DAB1: variants seen among roughly 807,000 people sequenced by gnomAD.
DAB1 encodes DAB adaptor protein 1.
Under a neutral mutation model 64.6 loss-of-function variants are expected in DAB1, and 15 were observed. The observed-to-expected ratio is 0.23, with a 90% CI of 0.16 to 0.36. The LOEUF (loss-of-function observed/expected upper bound fraction) is 0.36. Among genes scored for constraint, DAB1 ranks in the 10% least tolerant of loss-of-function variants. The pLI is 1.00. For synonymous variants in DAB1, 235 were observed against 251.9 expected, an observed-to-expected ratio of 0.93 and a Z score of 0.64; for missense variants, 596 against 706.7, an observed-to-expected ratio of 0.84 and a Z score of 1.78.
chr1:58,228,131 T>C (rs1557704692), intron 4 of DAB1, among the ~76,000 whole-genome samples: 1 of 152,118 alleles, frequency 6.6e-6, no homozygotes, highest in Non-Finnish European at 1.5e-5. Flanking sequence ...GAGTAAGAGA[T>C]GGAGCAGTAG....
chr1:57,823,238 C>T (rs1652200425), downstream of DAB1, among the ~76,000 whole-genome samples: 1 of 152,020 alleles, frequency 6.6e-6, no homozygotes, highest in Non-Finnish European at 1.5e-5. Flanking sequence ...CCACCTCGAA[C>T]TCCCAAAGTG....
rs184248535 is a variant in DAB1, at chr1:57,269,302, T to A, written c.67+21662A>T. Among the ~76,000 whole-genome samples, 912 of 152,166 alleles carry A rather than the reference T, an allele frequency of 6.0e-3. 4 individuals carry two copies. Among genetic ancestry groups the A allele is most frequent in the Non-Finnish European group, 8.5e-3 (581 of 67,994 alleles). ...TGCAGGGATGGAGGGTGAATCTGAG[T>A]GACAAGCACCCCAGACCTGTCTAAC... On this transcript the variant is annotated intron_variant, in intron 2 of 14. Coordinates refer to ENST00000371236, the MANE Select transcript of DAB1 (RefSeq NM_001365792.1).
chr1:57,177,921 A>T lies in DAB1; in HGVS notation c.68-32492T>A, dbSNP rs573698404. ...GGTATTTGATGTCTCTTGACTATTC[A>T]GTTACTGACTTTGTCCCTTTGTCCT... On this transcript the variant is annotated intron_variant, in intron 2 of 14. Transcript: ENST00000371236. Among the ~76,000 whole-genome samples, 7 of 152,284 alleles carry T rather than the reference A, an allele frequency of 4.6e-5. No individual in the cohort carries two copies. The South Asian group carries it at 1.4e-3, about 32-fold the overall frequency.
At chr1:57,752,940 C>T (rs1648622167) in intron 6 of DAB1, among the ~76,000 whole-genome samples, 1 of 152,176 alleles carries the variant, frequency 6.6e-6, no homozygotes, top group South Asian at 2.1e-4. Flanking sequence ...CCAGGAATAG[C>T]CTTGCCCTAG....
chr1:57,958,787 CTA>C (rs998221998), intron 5 of DAB1, among the ~76,000 whole-genome samples: 1 of 152,148 alleles, frequency 6.6e-6, no homozygotes, highest in Non-Finnish European at 1.5e-5. Flanking sequence ...TGTCCTCTTT[CTA>C]TGTCTTCTCA....
chr1:57,721,921 C>G (rs1004651765), intron 6 of DAB1, among the ~76,000 whole-genome samples: 4 of 152,166 alleles, frequency 2.6e-5, no homozygotes, highest in Non-Finnish European at 5.9e-5. Context: ...GATGAAGACA[C>G]CAAACACAGA....
intron 5 of DAB1, among the ~76,000 whole-genome samples, chr1:57,960,154 G>T (rs1035917163): frequency 6.6e-6 from 1 of 152,168 alleles, no homozygotes; most frequent in South Asian, 2.1e-4. Context: ...GGCACGGGAA[G>T]CCCAGGCCGT....
intron 2 of DAB1, among the ~76,000 whole-genome samples, chr1:58,515,094 G>T (rs1646139231): frequency 6.6e-6 from 1 of 152,046 alleles, no homozygotes; most frequent in Non-Finnish European, 1.5e-5. Flanking sequence ...ACCTCCACAG[G>T]TTCATCATTT....
intron 5 of DAB1, among the ~76,000 whole-genome samples, chr1:58,115,192 C>A (rs1438700248): frequency 9.1e-6 from 1 of 109,470 alleles, no homozygotes; most frequent in Non-Finnish European, 1.8e-5. Flanking sequence ...TGAACAGACA[C>A]TTCTCAAAAG....
At chr1:58,130,450 C>T (rs1653465924) in intron 5 of DAB1, among the ~76,000 whole-genome samples, 1 of 151,950 alleles carries the variant, frequency 6.6e-6, no homozygotes, top group African/African-American at 2.4e-5. Flanking sequence ...GAATTTAGTC[C>T]ATTTACAATT....
At chr1:58,147,344 C>T (rs374378704) in intron 5 of DAB1, among the ~76,000 whole-genome samples, 8 of 131,934 alleles carry the variant, frequency 6.1e-5, no homozygotes, top group Admixed American at 1.6e-4. Flanking sequence ...CCACGCCAGG[C>T]GTGGTGGCTC....
intron 2 of DAB1, among the ~76,000 whole-genome samples, chr1:57,263,939 C>G (rs1466229011): frequency 6.6e-6 from 1 of 152,070 alleles, no homozygotes; most frequent in Non-Finnish European, 1.5e-5. Context: ...TACCCTGTAC[C>G]ACAAGGGGAA....
intron 5 of DAB1, among the ~76,000 whole-genome samples, chr1:58,049,860 C>A (rs547009958): frequency 4.6e-5 from 7 of 151,882 alleles, no homozygotes; most frequent in Non-Finnish European, 1.5e-5. Context: ...AAAATAGAAT[C>A]CACCTCTCCT....
chr1:57,024,329 T>C (rs543301520), intron 10 of DAB1, among the ~76,000 whole-genome samples: 1 of 152,194 alleles, frequency 6.6e-6, no homozygotes, highest in Non-Finnish European at 1.5e-5. Flanking sequence ...GTCTGCTGCA[T>C]GGACTGGTGG....
chr1:57,242,005 A>G lies in DAB1; in HGVS notation c.67+48959T>C, dbSNP rs577830652. 3.3e-5 allele frequency among the ~76,000 whole-genome samples: 5 copies of G among 152,300 alleles called. No homozygotes were observed. In the South Asian group the frequency reaches 8.3e-4, roughly 25 times the overall value. On this transcript the variant is annotated intron_variant, in intron 2 of 14. Transcript: ENST00000371236. Reference sequence around the variant, plus strand: ...CCTATATTTCTCAATCTTATATTAAAGACTTAGAACATCTCATAGAAGAGT... The same window carrying G: ...CCTATATTTCTCAATCTTATATTAAGGACTTAGAACATCTCATAGAAGAGT...
At chr1:57,496,405 G>A (rs1011154785) in intron 7 of DAB1, among the ~76,000 whole-genome samples, 2 of 152,166 alleles carry the variant, frequency 1.3e-5, no homozygotes, top group African/African-American at 2.4e-5. Flanking sequence ...TGAGATTGCT[G>A]TGAGGATAAA....
At chr1:57,551,333 A>C (rs1644912137) in intron 7 of DAB1, among the ~76,000 whole-genome samples, 1 of 152,188 alleles carries the variant, frequency 6.6e-6, no homozygotes, top group Admixed American at 6.6e-5. Context: ...TAGAGCTGGA[A>C]TGCCAGCCTC....
intron 6 of DAB1, among the ~76,000 whole-genome samples, chr1:57,672,380 T>C (rs1646519819): frequency 6.6e-6 from 1 of 152,154 alleles, no homozygotes; most frequent in Admixed American, 6.6e-5. Flanking sequence ...GACCAACTAA[T>C]CTAGCTCCCT....
chr1:58,079,418 G>A (rs965427146), intron 5 of DAB1, among the ~76,000 whole-genome samples: 17 of 152,088 alleles, frequency 1.1e-4, no homozygotes, highest in African/African-American at 4.1e-4. Context: ...AAGGTTCATG[G>A]GACAGGGAAG....
Sources: gnomAD v4.1 joint callset for allele counts (sites outside exome capture counted in the v4.1 genomes callset) on GRCh38, gnomAD v4.1.1 for gene constraint, MANE v1.5 for transcripts, NCBI Gene and HGNC (gene_info 2026-07-23, HGNC 2026-07-21) for gene names.